Variants in TRPM3 observed in about 807,000 individuals in gnomAD.
TRPM3 encodes the protein long transient receptor potential channel 3.
Under a neutral mutation model 181.2 loss-of-function variants are expected in TRPM3, and 77 were observed. That is an observed-to-expected ratio of 0.42 (90% CI 0.35 to 0.51). The LOEUF is 0.51. Ranked by LOEUF, TRPM3 falls within the 20% of genes least tolerant of loss-of-function variation. TRPM3 has a pLI of 0.01. For synonymous variants in TRPM3, 745 were observed against 796.4 expected, an observed-to-expected ratio of 0.94 and a Z score of 1.09; for missense variants, 1,759 against 2,196.7, an observed-to-expected ratio of 0.80 and a Z score of 3.98.
chr9:71,117,568 T>G (rs2072687961), intron 1 of TRPM3, among the ~76,000 whole-genome samples: 2 of 152,050 alleles, frequency 1.3e-5, no homozygotes, highest in Non-Finnish European at 2.9e-5. Context: ...AAACCCTTCA[T>G]TTTAAAGAAG....
chr9:71,323,287 A>T (rs1477335026), intron 1 of TRPM3, among the ~76,000 whole-genome samples: 1 of 152,156 alleles, frequency 6.6e-6, no homozygotes, highest in Non-Finnish European at 1.5e-5. Context: ...CAGGAATACC[A>T]GCTGCCAAAT....
intron 1 of TRPM3, among the ~76,000 whole-genome samples, chr9:71,328,078 A>C (rs2089829401): frequency 1.3e-5 from 2 of 151,740 alleles, no homozygotes; most frequent in African/African-American, 2.4e-5. Context: ...TAAAAAAAAA[A>C]AACAAAAAAA....
chr9:71,408,295 C>T (rs1488813648), intron 1 of TRPM3, among the ~76,000 whole-genome samples: 9 of 152,110 alleles, frequency 5.9e-5, no homozygotes, highest in African/African-American at 9.7e-5. Context: ...ACGTTAATAA[C>T]GAACTTCTCT....
chr9:70,640,595 G>A lies in TRPM3; in HGVS notation c.1411C>T (p.Arg471Cys), dbSNP rs564873690. The A allele has an allele frequency of 5.0e-6, 8 of 1,613,684 alleles. No homozygotes were observed. In the South Asian group the frequency reaches 5.5e-5, roughly 11 times the overall value. Reference protein sequence around the residue: ...ALAWNRVDIARSQIFIYGQQW... With the variant: ...ALAWNRVDIACSQIFIYGQQW... ...TGCCCGTAAATAAAGATCTGGCTGCGAGCGATGTCGACTCTGTTCCAGGCT... is the reference window on the plus strand; with the variant it reads ...TGCCCGTAAATAAAGATCTGGCTGCAAGCGATGTCGACTCTGTTCCAGGCT... Residue 471 changes from arginine (R) to cysteine (C), a missense_variant, in exon 10 of 26, where the codon CGC becomes TGC. By Grantham distance (180) the Arg-to-Cys change is radical (BLOSUM62 -3). Transcript: ENST00000677713.
At chr9:71,223,718 C>G (rs2080389948) in intron 1 of TRPM3, among the ~76,000 whole-genome samples, 1 of 152,166 alleles carries the variant, frequency 6.6e-6, no homozygotes, top group African/African-American at 2.4e-5. Context: ...TCACTACAAT[C>G]TGACTGAAGA....
intron 1 of TRPM3, among the ~76,000 whole-genome samples, chr9:70,976,203 G>T (rs556287369): frequency 6.6e-6 from 1 of 152,114 alleles, no homozygotes; most frequent in Non-Finnish European, 1.5e-5. Flanking sequence ...AACTCAGCAT[G>T]ACACATGGGT....
intron 21 of TRPM3, among the ~76,000 whole-genome samples, chr9:70,591,807 C>G (rs1237061881): frequency 6.6e-6 from 1 of 152,220 alleles, no homozygotes; most frequent in African/African-American, 2.4e-5. Context: ...CCCCACCCCA[C>G]TGCATAGTAT....
intron 5 of TRPM3, among the ~76,000 whole-genome samples, chr9:70,832,372 C>A (rs1195075056): frequency 6.6e-6 from 1 of 152,064 alleles, no homozygotes; most frequent in Non-Finnish European, 1.5e-5. Flanking sequence ...ACTCTCTGAG[C>A]ATTGTGGGCC....
intron 1 of TRPM3, among the ~76,000 whole-genome samples, chr9:71,079,934 G>A (rs181551759): frequency 2.0e-5 from 3 of 152,140 alleles, no homozygotes; most frequent in African/African-American, 7.2e-5. Flanking sequence ...ACTTTGGGAG[G>A]CCAAGGCGGG....
chr9:70,601,091 G>A (rs2132709599), intron 20 of TRPM3, among the ~76,000 whole-genome samples: 1 of 152,198 alleles, frequency 6.6e-6, no homozygotes, highest in Non-Finnish European at 1.5e-5. Context: ...GATCTGTCAG[G>A]TTGCATACTC....
chr9:71,325,246 A>C (rs550467570), intron 1 of TRPM3, among the ~76,000 whole-genome samples: 1 of 152,222 alleles, frequency 6.6e-6, no homozygotes. Flanking sequence ...ACAAAGTTTT[A>C]CCAAAATTTA....
rs141761294 is a variant in TRPM3 at position 71,075,406 on chromosome 9, G to A, written c.177+45772C>T. On this transcript the variant is annotated intron_variant, in intron 1 of 25. Transcript: ENST00000677713. ...GTAGATAAGATGTCAAGTGGAGGGGGTTGAGTAGGGGCTAATGTTAGAAGT... is the reference window on the plus strand; with the variant it reads ...GTAGATAAGATGTCAAGTGGAGGGGATTGAGTAGGGGCTAATGTTAGAAGT... 3.4e-4 allele frequency among the ~76,000 whole-genome samples: 52 copies of A among 152,264 alleles called. 2 individuals are homozygous for A. In the Middle Eastern group the frequency reaches 0.024, roughly 70 times the overall value.
chr9:70,558,356 AGCCCTTGTCCACAAGCCAG>A (rs1011813863), intron 22 of TRPM3, among the ~76,000 whole-genome samples: 3 of 152,192 alleles, frequency 2.0e-5, no homozygotes, highest in African/African-American at 7.2e-5. Context: ...CCCCACCTCT[AGCCCTTGTCCACAAGCCAG>A]TAATAAGAGA....
At chr9:71,016,317 G>A (rs1273242537) in intron 1 of TRPM3, among the ~76,000 whole-genome samples, 1 of 151,520 alleles carries the variant, frequency 6.6e-6, no homozygotes, top group Non-Finnish European at 1.5e-5. Flanking sequence ...TGTACAGTTT[G>A]CTGGCATTAA....
chr9:70,884,929 C>A (rs1212597042), intron 1 of TRPM3, among the ~76,000 whole-genome samples: 3 of 152,162 alleles, frequency 2.0e-5, no homozygotes, highest in Non-Finnish European at 4.4e-5. Flanking sequence ...AGATTCTCAA[C>A]TTGTTTATAA....
At position 70,925,828 on chromosome 9, in the gene TRPM3, G is replaced by T. The variant is rs532349063; in HGVS notation, c.178-61317C>A. 8.6e-5 allele frequency among the ~76,000 whole-genome samples: 13 copies of T among 152,040 alleles called. No homozygotes were observed. In the South Asian group the frequency reaches 2.7e-3, roughly 32 times the overall value. On this transcript the variant is annotated intron_variant, in intron 1 of 25. Coordinates refer to ENST00000677713, the MANE Select transcript of TRPM3 (RefSeq NM_001366145.2). ...TTAGTAGTTCCCTCAAACACAATTA[G>T]GACTTAGATGAGAACATCCTCTTTC...
At chr9:71,233,926 C>T (rs1483583713) in intron 1 of TRPM3, among the ~76,000 whole-genome samples, 1 of 152,204 alleles carries the variant, frequency 6.6e-6, no homozygotes, top group Admixed American at 6.5e-5. Context: ...GAGGTCCCTT[C>T]CTTAATTATT....
rs1662130341 is a variant in TRPM3, at chr9:70,977,902, C to G, written c.178-113391G>C. 2.0e-5 allele frequency among the ~76,000 whole-genome samples: 3 copies of G among 152,196 alleles called. No individual in the cohort carries two copies. In the South Asian group the frequency reaches 6.2e-4, roughly 32 times the overall value. ...CCTGGCACTTTGTTGTATTTACCAA[C>G]CCAGAAGCTCTCTGAATCTCATTTT... is the stretch of plus-strand genomic sequence containing the variant. On this transcript the variant is annotated intron_variant, in intron 1 of 25. Coordinates refer to ENST00000677713, the MANE Select transcript of TRPM3 (RefSeq NM_001366145.2).
At chr9:70,885,208 G>A (rs1383307968) in intron 1 of TRPM3, among the ~76,000 whole-genome samples, 2 of 152,066 alleles carry the variant, frequency 1.3e-5, no homozygotes, top group Non-Finnish European at 2.9e-5. Context: ...TCTCAACTCG[G>A]TATTATTGAC....
Sources: allele counts gnomAD v4.1 joint callset (sites outside exome capture counted in the v4.1 genomes callset), GRCh38; gene constraint gnomAD v4.1.1; transcripts MANE v1.5; gene names NCBI Gene and HGNC (gene_info 2026-07-23, HGNC 2026-07-21).